The following OCA2 variants were observed in gnomAD, a reference collection of about 807,000 sequenced individuals.
The protein encoded by OCA2 is OCA2 melanosomal transmembrane protein.
In OCA2, 77 loss-of-function variants were observed where a neutral mutation model predicts 100.2. The observed-to-expected ratio is 0.77, with a 90% CI of 0.64 to 0.93. The LOEUF (loss-of-function observed/expected upper bound fraction) is 0.93. Among genes scored for constraint, OCA2 ranks in the 40% least tolerant of loss-of-function variants. OCA2 has a pLI of 0.00. For synonymous variants in OCA2, 432 were observed against 439.2 expected (o/e 0.98, Z 0.21); for missense variants, 1,062 against 1,089.1 (o/e 0.98, Z 0.35).
At chr15:27,881,712 G>T (rs577948352) in intron 19 of OCA2, among the ~76,000 whole-genome samples, 1 of 152,216 alleles carries the variant, frequency 6.6e-6, no homozygotes, top group East Asian at 1.9e-4. Context: ...GGTCAGTGGT[G>T]ATATCCTCTT....
chr15:28,059,228 A>G (rs2043798493), intron 2 of OCA2, among the ~76,000 whole-genome samples: 1 of 152,260 alleles, frequency 6.6e-6, no homozygotes, highest in Non-Finnish European at 1.5e-5. Context: ...CACGCAGGGC[A>G]AAGCTGGTCT....
rs1567114583 is a variant in OCA2, at chr15:27,926,230, A to G, written c.1976T>C (p.Ile659Thr). 6.2e-7 allele frequency: 1 copy of G among 1,614,110 alleles called. No homozygotes were observed. The highest frequency in any genetic ancestry group is 8.5e-7 in the Non-Finnish European group (1 of 1,179,956). ...AATATCAGCTAAAATTAGCAACCAG[A>G]TGGCACCCAGAATAGCAATCCATCC... ...DLGWIAILGA[I>T]WLLILADIHD... is the part of the protein sequence containing the mutation. Residue 659 changes from isoleucine to threonine, a missense_variant, in exon 19 of 24, where the codon ATC (isoleucine) becomes ACC (threonine). Transcript: ENST00000354638.
At chr15:27,722,772 T>TCTTTCTCTCTCTCTC in the OCA2 span, among the ~76,000 whole-genome samples, 1 of 79,936 alleles carries the variant, frequency 1.3e-5, no homozygotes, top group African/African-American at 5.4e-5. Flanking sequence ...TTTCTTTCTT[T>TCTTTCTCTCTCTCTC]TCTTTCTTTC....
intron 16 of OCA2, 96 bp from the exon 17 acceptor site, chr15:27,955,311 T>C (rs1396083371): frequency 3.3e-5 from 30 of 911,564 alleles, no homozygotes; most frequent in Non-Finnish European, 5.5e-5. Context: ...CTGGACGCGG[T>C]CTGTGACTTG....
At chr15:27,907,348 A>G (rs2038216087) in intron 19 of OCA2, among the ~76,000 whole-genome samples, 1 of 152,232 alleles carries the variant, frequency 6.6e-6, no homozygotes, top group African/African-American at 2.4e-5. Flanking sequence ...TGAAAACACT[A>G]CATATCAAAA....
At chr15:27,827,971 G>A (rs190785064) in intron 23 of OCA2, among the ~76,000 whole-genome samples, 1 of 152,068 alleles carries the variant, frequency 6.6e-6, no homozygotes, top group Non-Finnish European at 1.5e-5. Context: ...TACTTTTATG[G>A]TAAATTCTAT....
intron 19 of OCA2, among the ~76,000 whole-genome samples, chr15:27,885,665 T>G (rs2037192567): frequency 6.6e-6 from 1 of 152,202 alleles, no homozygotes; most frequent in South Asian, 2.1e-4. Flanking sequence ...TATGGTTTGA[T>G]TTCTAAATAT....
chr15:27,944,623 C>T (rs1379323461), intron 18 of OCA2, among the ~76,000 whole-genome samples: 1 of 152,140 alleles, frequency 6.6e-6, no homozygotes, highest in Non-Finnish European at 1.5e-5. Context: ...TGGCCAGCTG[C>T]TCCTGTGGCT....
intron 23 of OCA2, among the ~76,000 whole-genome samples, chr15:27,810,132 A>G (rs1188385442): frequency 2.6e-5 from 4 of 152,262 alleles, no homozygotes; most frequent in African/African-American, 7.2e-5. Context: ...CTACAAGGCT[A>G]TAGTTACCAA....
At chr15:27,983,589 GCACA>G in intron 13 of OCA2, 106 bp from the exon 14 acceptor site, 2 of 1,128,076 alleles carry the variant, frequency 1.8e-6, no homozygotes, top group Non-Finnish European at 2.7e-6. Context: ...AGGGAGGCGC[GCACA>G]CACACACACC....
intron 7 of OCA2, among the ~76,000 whole-genome samples, chr15:28,016,467 T>C (rs1467160411): frequency 6.6e-6 from 1 of 152,118 alleles, no homozygotes; most frequent in African/African-American, 2.4e-5. Flanking sequence ...TAGAAGTAAA[T>C]AGTGATTTAA....
chr15:27,844,526 C>T (rs1472425728), intron 23 of OCA2, among the ~76,000 whole-genome samples: 2 of 151,686 alleles, frequency 1.3e-5, no homozygotes, highest in Non-Finnish European at 2.9e-5. Context: ...TTTTTTTTTT[C>T]TTGAGACAGA....
In OCA2 at chr15:27,954,646, C is replaced by G. The variant is rs547940110; in HGVS notation, c.1842+512G>C. On this transcript the variant is annotated intron_variant, in intron 17 of 23. Coordinates refer to ENST00000354638, the MANE Select transcript of OCA2 (RefSeq NM_000275.3). Reference sequence around the variant, plus strand: ...AGAGCTCTCTCGACTGGGAAGGGGTCCTCTGTGTTCATAAATGGGCTGAGA... The same window carrying G: ...AGAGCTCTCTCGACTGGGAAGGGGTGCTCTGTGTTCATAAATGGGCTGAGA... 2.6e-5 allele frequency among the ~76,000 whole-genome samples: 4 copies of G among 152,178 alleles called. No individual in the cohort carries two copies. The South Asian group carries it at 8.3e-4, about 32-fold the overall frequency.
intron 21 of OCA2, among the ~76,000 whole-genome samples, chr15:27,865,753 A>C (rs773408647): frequency 2.6e-5 from 4 of 152,192 alleles, no homozygotes; most frequent in Non-Finnish European, 5.9e-5. Flanking sequence ...CAAACGTTAC[A>C]GAATGGCAAG....
intron 23 of OCA2, among the ~76,000 whole-genome samples, chr15:27,797,155 C>T (rs1436317412): frequency 6.6e-6 from 1 of 152,126 alleles, no homozygotes; most frequent in African/African-American, 2.4e-5. Flanking sequence ...TGCTGGTGAG[C>T]GGAAAGGCTT....
At chr15:27,903,004 G>A (rs981924019) in intron 19 of OCA2, among the ~76,000 whole-genome samples, 1 of 152,216 alleles carries the variant, frequency 6.6e-6, no homozygotes, top group African/African-American at 2.4e-5. Context: ...GGGCACCCGG[G>A]TCAGGGAGGC....
At chr15:27,875,636 T>G (rs1405199388) in intron 19 of OCA2, among the ~76,000 whole-genome samples, 1 of 152,094 alleles carries the variant, frequency 6.6e-6, no homozygotes, top group Non-Finnish European at 1.5e-5. Context: ...TCTTCTTATC[T>G]ATGGACAGAC....
At chr15:27,918,481 T>C (rs2038748230) in intron 19 of OCA2, among the ~76,000 whole-genome samples, 1 of 152,212 alleles carries the variant, frequency 6.6e-6, no homozygotes, top group Admixed American at 6.5e-5. Context: ...ATCCCGTAGT[T>C]GTAGTCAGAA....
intron 23 of OCA2, among the ~76,000 whole-genome samples, chr15:27,766,980 C>T (rs1032606802): frequency 6.6e-6 from 1 of 152,214 alleles, no homozygotes. Flanking sequence ...ACGTCTCCTT[C>T]CCTGGCCCCT....
Sources: gnomAD v4.1 joint callset for allele counts (sites outside exome capture counted in the v4.1 genomes callset) on GRCh38, gnomAD v4.1.1 for gene constraint, MANE v1.5 for transcripts, NCBI Gene and HGNC (gene_info 2026-07-23, HGNC 2026-07-21) for gene names.